The following NEB variants were observed in gnomAD, a reference collection of about 807,000 sequenced individuals.
The protein encoded by NEB is nebulin.
A neutral mutation model predicts 952.2 loss-of-function variants in NEB; 512 were observed. The observed-to-expected ratio is 0.54, with a 90% confidence interval of 0.50 to 0.58. The LOEUF (loss-of-function observed/expected upper bound fraction) is 0.58, where lower values mean the gene tolerates loss of function less well. Among genes scored for constraint, NEB ranks in the 20% least tolerant of loss-of-function variants. The probability of loss-of-function intolerance (pLI) is 0.00; values close to 1 mark genes in which losing one functional copy is unlikely to be tolerated. For missense variants in NEB, 8,428 were observed against 9,231.1 expected, an observed-to-expected ratio of 0.91 and a Z score of 3.56; for synonymous variants, 2,900 against 3,149.8, an observed-to-expected ratio of 0.92 and a Z score of 2.66.
At chr2:151,486,084 C>T (rs569523954) in intron 181 of NEB, among the ~76,000 whole-genome samples, 151 bp from the exon 182 acceptor site, 2 of 152,088 alleles carry the variant, frequency 1.3e-5, no homozygotes, top group Non-Finnish European at 2.9e-5. Flanking sequence ...AAGGAACCCA[C>T]AAAATAGGAA....
At chr2:151,714,658 G>A (rs1251715814) in intron 10 of NEB, among the ~76,000 whole-genome samples, 1 of 152,142 alleles carries the variant, frequency 6.6e-6, no homozygotes, top group Non-Finnish European at 1.5e-5. Flanking sequence ...AGATGGATCT[G>A]GGAGACATGA....
intron 138 of NEB, 132 bp downstream of exon 138, chr2:151,540,212 T>A (rs1183131076): frequency 5.9e-5 from 29 of 494,496 alleles, no homozygotes; most frequent in Admixed American, 3.1e-4. Context: ...TTTTTCTCTT[T>A]AAAAAAATGT....
At chr2:151,690,522 ATTTAT>A (rs1416558802) in intron 24 of NEB, 200 bp downstream of exon 24, 12 of 482,486 alleles carry the variant, frequency 2.5e-5, no homozygotes, top group Non-Finnish European at 3.7e-5. Flanking sequence ...ATTAAAAAAT[ATTTAT>A]TTTTATTATT....
At chr2:151,601,201 T>C (rs1437729026) in intron 88 of NEB, among the ~76,000 whole-genome samples, 1 of 110,012 alleles carries the variant, frequency 9.1e-6, no homozygotes, top group East Asian at 3.2e-4. Flanking sequence ...CTCCACCTCC[T>C]GGGTTCAAGT....
At chr2:151,628,616 G>A (rs541937969) in intron 68 of NEB, among the ~76,000 whole-genome samples, 9 of 152,192 alleles carry the variant, frequency 5.9e-5, no homozygotes, top group South Asian at 2.1e-4. Context: ...CGAGGGAGGC[G>A]GATCGCCTGA....
chr2:151,565,368 C>G (rs987516004), intron 116 of NEB, 133 bp downstream of exon 116: 16 of 739,450 alleles, frequency 2.2e-5, no homozygotes, highest in Non-Finnish European at 3.8e-5. Context: ...AGACATACCC[C>G]CCAAAGATGA....
At chr2:151,511,468 TAAAAAC>T (rs2153232649) in intron 161 of NEB, among the ~76,000 whole-genome samples, 1 of 152,228 alleles carries the variant, frequency 6.6e-6, no homozygotes, top group South Asian at 2.1e-4. Flanking sequence ...CTGTGAAAAT[TAAAAAC>T]AAACAAAAAT....
chr2:151,555,383 T>C (rs1296884781), intron 124 of NEB, among the ~76,000 whole-genome samples: 2 of 152,232 alleles, frequency 1.3e-5, no homozygotes, highest in Non-Finnish European at 2.9e-5. Context: ...AATTTAAAAA[T>C]ATTCTCTTGT....
At position 151,565,141 on chromosome 2, in the gene NEB, T is replaced by C. The variant is rs2096294914; in HGVS notation, c.18374A>G (p.Tyr6125Cys). 4.6e-6 allele frequency: 7 copies of C among 1,528,130 alleles called. No homozygotes were observed. Among genetic ancestry groups the C allele is most frequent in the Non-Finnish European group, 6.3e-6 (7 of 1,115,150 alleles). 94.7% of individuals were successfully genotyped at this position (1,528,130 alleles called of 1,614,324 possible). A position where few individuals can be genotyped will look rare whatever the true frequency, so the allele number is the denominator to read the frequency against. Reference sequence around the variant, plus strand: ...CTTTGCTTTATTAAATGTTTCTTTATATTTTACCTAAGGAGAGAAAACCAA... The same window carrying C: ...CTTTGCTTTATTAAATGTTTCTTTACATTTTACCTAAGGAGAGAAAACCAA... ...INSVNQSDVK[Y>C]KETFNKAKGK... Residue 6125 changes from tyrosine (Y) to cysteine (C), a missense_variant, in exon 117 of 182, where the codon TAT (tyrosine) becomes TGT (cysteine). By Grantham distance (194) the Tyr-to-Cys change is radical. Around this residue, in one of 11 missense-constraint regions of NEB, gnomAD observed 3,374 missense variants for 3,651.5 expected, o/e 0.92. Transcript: ENST00000397345.
At chr2:151,642,447 T>C (rs1574890542) in intron 60 of NEB, 127 bp downstream of exon 60, 3 of 761,532 alleles carry the variant, frequency 3.9e-6, no homozygotes, top group Middle Eastern at 3.3e-4. Flanking sequence ...TTTAAACCAT[T>C]CATCGAAACA....
chr2:151,691,963 A>G lies in NEB; in HGVS notation c.2112T>C (p.Ser704=), dbSNP rs776853993. The change falls in exon 23 of 182, where the codon AGT becomes AGC. Residue 704 remains serine (S), a synonymous_variant. Coordinates refer to ENST00000397345, the MANE Select transcript of NEB (RefSeq NM_001164508.2). ...MKVAAQNSDK[S]YKAEYEEDKG... ...TATCTTCTTCATATTCTGCTTTGTA[A>G]CTTTTCTATAATGAGAAAAACCAAA... 1.9e-6 allele frequency: 3 copies of G among 1,611,606 alleles called. No individual in the cohort carries two copies. The highest frequency in any genetic ancestry group is 2.2e-5 in the South Asian group (2 of 90,836).
At chr2:151,718,932 C>A (rs1292206826) in intron 9 of NEB, among the ~76,000 whole-genome samples, 1 of 152,192 alleles carries the variant, frequency 6.6e-6, no homozygotes, top group Non-Finnish European at 1.5e-5. Context: ...ATACATGAAG[C>A]CCTCAGATGC....
rs578126381 is a variant in NEB at position 151,541,306 on chromosome 2, C to A, written c.20682+141G>T. 2.0e-5 allele frequency: 12 copies of A among 590,020 alleles called. No individual in the cohort carries two copies. In the Admixed American group the frequency reaches 3.0e-4, roughly 15 times the overall value. The allele number at this position is 590,020 out of a possible 1,614,324, so 36.5% of individuals were successfully genotyped here. A position where few individuals can be genotyped will look rare whatever the true frequency, so the allele number is the denominator to read the frequency against. On this transcript the variant is annotated intron_variant, in intron 136 of 181. Transcript: ENST00000397345. ...ATCATGGCCCAAAAGAGAACTGCTTCTTCAAGTGCAGTGTTAATGGGCATG... is the reference window on the plus strand; with the variant it reads ...ATCATGGCCCAAAAGAGAACTGCTTATTCAAGTGCAGTGTTAATGGGCATG...
chr2:151,530,113 A>G (rs2153481453), intron 145 of NEB, among the ~76,000 whole-genome samples: 1 of 152,260 alleles, frequency 6.6e-6, no homozygotes, highest in Non-Finnish European at 1.5e-5. Context: ...TTTATCATCC[A>G]TCATCTCATT....
chr2:151,712,914 T>A (rs963370013), intron 10 of NEB, among the ~76,000 whole-genome samples: 2 of 151,774 alleles, frequency 1.3e-5, no homozygotes, highest in African/African-American at 4.8e-5. Flanking sequence ...GGGGGAAACC[T>A]TTCTCTCCAA....
intron 84 of NEB, among the ~76,000 whole-genome samples, 151 bp from the exon 85 acceptor site, chr2:151,605,022 G>T (rs1425088513): frequency 2.3e-5 from 3 of 132,568 alleles, no homozygotes; most frequent in African/African-American, 8.5e-5. Flanking sequence ...TCACTTTAAA[G>T]AAATTAGATA....
At chr2:151,684,685 C>A (rs2099476229) in intron 28 of NEB, 93 bp downstream of exon 28, 1 of 1,217,520 alleles carries the variant, frequency 8.2e-7, no homozygotes, top group African/African-American at 1.5e-5. Flanking sequence ...AATGCAGATA[C>A]CTCTAAGAAG....
chr2:151,561,440 C>CT, intron 121 of NEB, 128 bp from the exon 122 acceptor site: 1 of 680,162 alleles, frequency 1.5e-6, no homozygotes, highest in Non-Finnish European at 2.6e-6. Flanking sequence ...AACAGGCTGT[C>CT]ATTCTAGAGT....
At position 151,639,958 on chromosome 2, in the gene NEB, CACTCAA is replaced by C; in HGVS notation, c.8782_8787del (p.Leu2928_Ser2929del). ...TCTGGAGGCTGGCGATAGATTTTAT[CACTCAA>C]AATTTCAGTTGCCCTTTTGCATTTT... On this transcript the variant is annotated inframe_deletion, in exon 62 of 182. Coordinates refer to ENST00000397345, the MANE Select transcript of NEB (RefSeq NM_001164508.2). 6.2e-7 allele frequency: 1 copy of C among 1,613,980 alleles called. No homozygotes were observed. The highest frequency in any genetic ancestry group is 8.5e-7 in the Non-Finnish European group (1 of 1,179,868).
Sources: gnomAD v4.1 joint callset for allele counts (sites outside exome capture counted in the v4.1 genomes callset) on GRCh38, gnomAD v4.1.1 for gene constraint, gnomAD v4.1.1 regional missense constraint, MANE v1.5 for transcripts, NCBI Gene and HGNC (gene_info 2026-07-23, HGNC 2026-07-21) for gene names.